CNTN6: variants seen among roughly 807,000 people sequenced by gnomAD.
CNTN6 encodes contactin 6.
CNTN6 carries 137 observed loss-of-function variants against 122.8 expected under a neutral mutation model. The ratio of observed to expected loss-of-function variants is 1.12; its 90% CI spans 0.97 to 1.29. The LOEUF (loss-of-function observed/expected upper bound fraction) is 1.29, where lower values mean the gene tolerates loss of function less well. Among genes scored for constraint, CNTN6 ranks in the 50% most tolerant of loss-of-function variants. The pLI, the probability that CNTN6 is intolerant of heterozygous loss-of-function variation, is 0.00. For synonymous variants in CNTN6, 570 were observed against 426.0 expected, an observed-to-expected ratio of 1.34 and a Z score of -4.16; for missense variants, 1,634 against 1,223.4, an observed-to-expected ratio of 1.34 and a Z score of -5.01.
At chr3:1,320,897 AATAG>A (rs1178737026) in intron 7 of CNTN6, among the ~76,000 whole-genome samples, 6 of 151,842 alleles carry the variant, frequency 4.0e-5, no homozygotes, top group African/African-American at 1.2e-4. Flanking sequence ...GACTAAAAAT[AATAG>A]ATATGAGAAA....
chr3:1,396,076 T>C (rs563299864), intron 20 of CNTN6, among the ~76,000 whole-genome samples: 1 of 152,288 alleles, frequency 6.6e-6, no homozygotes, highest in Non-Finnish European at 1.5e-5. Context: ...GTCATACTTC[T>C]CTTCTCTTCA....
Position 1,372,388 on chromosome 3 carries a change from T to A in CNTN6, c.1582T>A (p.Ser528Thr), listed in dbSNP as rs752635716. ...VLPCQVSHDPSIEVVFVWFFN... is the reference protein window; with the variant it reads ...VLPCQVSHDPTIEVVFVWFFN... The stretch of plus-strand genomic sequence containing the variant: ...ACCATGCCAGGTGTCCCATGACCCC[T>A]CCATTGAAGTGGTATTTGTATGGTT... Residue 528 changes from serine (S) to threonine (T), a missense_variant, in exon 13 of 23, where the codon TCC becomes ACC. Physicochemically the swap from Ser to Thr is moderately conservative, Grantham distance 58 (BLOSUM62 1). Coordinates refer to ENST00000446702, the MANE Select transcript of CNTN6 (RefSeq NM_001289080.2). 36 of 1,613,250 alleles carry A rather than the reference T, an allele frequency of 2.2e-5. No individual in the cohort carries two copies. In the South Asian group the frequency reaches 3.8e-4, roughly 17 times the overall value.
At chr3:1,249,678 T>A (rs17036386) in intron 4 of CNTN6, among the ~76,000 whole-genome samples, 13,898 of 152,236 alleles carry the variant, frequency 0.091, 1,006 homozygotes, top group East Asian at 0.33. Context: ...TATTAATGAG[T>A]TGTTTTGCAT....
At chr3:1,394,567 G>A (rs114512252) in intron 20 of CNTN6, 3,532 of 152,432 alleles carry the variant, frequency 0.023, 51 homozygotes, top group Non-Finnish European at 0.032. Flanking sequence ...TGTCTTTGAA[G>A]TCGCTCTGTA....
At chr3:1,385,069 T>A (rs1043714059) in intron 19 of CNTN6, among the ~76,000 whole-genome samples, 1 of 152,116 alleles carries the variant, frequency 6.6e-6, no homozygotes, top group Non-Finnish European at 1.5e-5. Flanking sequence ...TATTTTCACA[T>A]ACACTGTGGA....
At position 1,302,863 on chromosome 3, in the gene CNTN6, C is replaced by T. The variant is rs1015792026; in HGVS notation, c.761+4872C>T. Reference sequence around the variant, plus strand: ...CAAACATTTATTTGTTTGTTTTTTTCTCCTTTTAGTATTTGTTTTACATTA... The same window carrying T: ...CAAACATTTATTTGTTTGTTTTTTTTTCCTTTTAGTATTTGTTTTACATTA... On this transcript the variant is annotated intron_variant, in intron 7 of 22. Transcript: ENST00000446702. Among the ~76,000 whole-genome samples the T allele has an allele frequency of 1.3e-5, 2 of 151,738 alleles. 1 individual carries two copies. The highest frequency in any genetic ancestry group is 1.3e-4 in the Admixed American group (2 of 15,232).
intron 2 of CNTN6, among the ~76,000 whole-genome samples, chr3:1,200,042 T>C (rs544297921): frequency 6.6e-6 from 1 of 152,190 alleles, no homozygotes; most frequent in Non-Finnish European, 1.5e-5. Context: ...CATATATATA[T>C]GTCTTTTTTT....
intron 11 of CNTN6, among the ~76,000 whole-genome samples, chr3:1,345,659 A>G (rs897066406): frequency 1.3e-5 from 2 of 152,174 alleles, no homozygotes; most frequent in Admixed American, 1.3e-4. Flanking sequence ...TATTTAATCT[A>G]AAACAGATTC....
At chr3:1,332,522 G>GGGGCGAGCAAGGAAT in intron 11 of CNTN6, among the ~76,000 whole-genome samples, 1 of 150,060 alleles carries the variant, frequency 6.7e-6, no homozygotes, top group Non-Finnish European at 1.5e-5. Flanking sequence ...AAGGAAGGAA[G>GGGGCGAGCAAGGAAT]GAAGGAAGGA....
intron 10 of CNTN6, among the ~76,000 whole-genome samples, chr3:1,328,500 T>G (rs930103120): frequency 1.3e-5 from 2 of 151,812 alleles, no homozygotes; most frequent in African/African-American, 4.8e-5. Context: ...GAACATTTAT[T>G]ATGTACTGAG....
intron 4 of CNTN6, among the ~76,000 whole-genome samples, chr3:1,276,472 A>C (rs4593012): frequency 0.11 from 17,124 of 152,174 alleles, 1,039 homozygotes; most frequent in Non-Finnish European, 0.14. Flanking sequence ...TTGTATTTTA[A>C]ATTTAAACCA....
intron 20 of CNTN6, among the ~76,000 whole-genome samples, chr3:1,386,103 C>T (rs1430711008): frequency 6.6e-6 from 1 of 152,154 alleles, no homozygotes; most frequent in Non-Finnish European, 1.5e-5. Flanking sequence ...GACCTCCTAT[C>T]CTTGGAACGT....
intron 1 of CNTN6, among the ~76,000 whole-genome samples, chr3:1,122,379 G>C (rs1446481005): frequency 6.7e-6 from 1 of 149,540 alleles, no homozygotes; most frequent in Non-Finnish European, 1.5e-5. Context: ...AGGAAGGAAG[G>C]GAGGAATGAA....
intron 1 of CNTN6, among the ~76,000 whole-genome samples, chr3:1,103,392 G>A (rs1305132895): frequency 6.6e-6 from 1 of 152,160 alleles, no homozygotes; most frequent in Non-Finnish European, 1.5e-5. Flanking sequence ...TTTCAGAGTT[G>A]CCGACTTTCC....
At chr3:1,222,948 A>AAATTTT (rs781725319) in intron 3 of CNTN6, among the ~76,000 whole-genome samples, 1 of 152,286 alleles carries the variant, frequency 6.6e-6, no homozygotes, top group Non-Finnish European at 1.5e-5. Flanking sequence ...TTAAGTTTTT[A>AAATTTT]ATGCTTAAAT....
chr3:1,397,210 C>T (rs554990227), intron 20 of CNTN6, among the ~76,000 whole-genome samples: 4 of 151,270 alleles, frequency 2.6e-5, no homozygotes, highest in East Asian at 3.9e-4. Context: ...GAAGAGGCAA[C>T]CTAAAACAAG....
intron 7 of CNTN6, among the ~76,000 whole-genome samples, chr3:1,308,030 G>A (rs936549503): frequency 6.6e-6 from 1 of 152,058 alleles, no homozygotes; most frequent in African/African-American, 2.4e-5. Flanking sequence ...ATAGAGTGTT[G>A]TGCTTCACCT....
intron 19 of CNTN6, 76 bp downstream of exon 19, chr3:1,383,484 T>C (rs17038463): frequency 9.5e-7 from 1 of 1,055,876 alleles, no homozygotes; most frequent in Non-Finnish European, 1.5e-6. Context: ...AACAGTCCTA[T>C]CCTACTAGCC....
rs1224487107 is a variant in CNTN6, at chr3:1,325,914, A to G, written c.1046A>G (p.Tyr349Cys). The G allele has an allele frequency of 1.2e-6, 2 of 1,611,570 alleles. No individual in the cohort carries two copies. The highest frequency in any genetic ancestry group is 1.1e-5 in the South Asian group (1 of 91,002). ...GCTAGTGGAAAGCCAAACCCTTGGT[A>G]TACATGGTTAAAAAATGGTGAACGA... ...CKASGKPNPW[Y>C]TWLKNGERLN... Residue 349 changes from tyrosine to cysteine, a missense_variant, in exon 9 of 23, where the codon TAT (tyrosine) becomes TGT (cysteine). Coordinates refer to ENST00000446702, the MANE Select transcript of CNTN6 (RefSeq NM_001289080.2).
Sources: gnomAD v4.1 joint callset for allele counts (sites outside exome capture counted in the v4.1 genomes callset) on GRCh38, gnomAD v4.1.1 for gene constraint, MANE v1.5 for transcripts, NCBI Gene and HGNC (gene_info 2026-07-23, HGNC 2026-07-21) for gene names.